The following ME3 variants were observed in gnomAD, a reference collection of about 807,000 sequenced individuals.
The protein encoded by ME3 is NADP-dependent malic enzyme, mitochondrial.
Under a neutral mutation model 68.9 loss-of-function variants are expected in ME3, and 48 were observed. The observed-to-expected ratio is 0.70, with a 90% confidence interval of 0.55 to 0.89. ME3 has a LOEUF of 0.89. Ranked by LOEUF, ME3 falls within the 40% of genes least tolerant of loss-of-function variation. ME3 has a pLI of 0.00. For missense variants in ME3, 675 were observed against 797.4 expected, an observed-to-expected ratio of 0.85 and a Z score of 1.85; for synonymous variants, 320 against 318.8, an observed-to-expected ratio of 1.00 and a Z score of -0.04.
chr11:86,647,468 C>T (rs1390728498), intron 2 of ME3, among the ~76,000 whole-genome samples: 1 of 147,312 alleles, frequency 6.8e-6, no homozygotes. Context: ...CTGGGAGACA[C>T]AGCGAGACTC....
At chr11:86,592,061 C>T (rs1305835534) in intron 2 of ME3, among the ~76,000 whole-genome samples, 2 of 152,190 alleles carry the variant, frequency 1.3e-5, no homozygotes, top group African/African-American at 2.4e-5. Flanking sequence ...AAGTCCAAGC[C>T]TGTCTGGTCT....
At chr11:86,628,915 A>G (rs1475731821) in intron 2 of ME3, among the ~76,000 whole-genome samples, 1 of 152,196 alleles carries the variant, frequency 6.6e-6, no homozygotes, top group African/African-American at 2.4e-5. Flanking sequence ...CAAGCAAGGG[A>G]TGGAAAAATC....
At chr11:86,635,518 T>A (rs1944278976) in intron 2 of ME3, among the ~76,000 whole-genome samples, 1 of 152,202 alleles carries the variant, frequency 6.6e-6, no homozygotes, top group Non-Finnish European at 1.5e-5. Flanking sequence ...TACTCTCCAT[T>A]GTAATGGTAT....
intron 2 of ME3, among the ~76,000 whole-genome samples, chr11:86,567,720 T>G (rs906588400): frequency 9.8e-5 from 15 of 152,338 alleles, no homozygotes; most frequent in African/African-American, 3.1e-4. Flanking sequence ...TTGAAGCTAC[T>G]TTTCATCCTG....
intron 6 of ME3, among the ~76,000 whole-genome samples, chr11:86,489,943 A>G (rs1019981203): frequency 6.6e-6 from 1 of 152,166 alleles, no homozygotes. Flanking sequence ...AGAGAGGTGA[A>G]GCAGCCTGCT....
chr11:86,606,843 C>G (rs1961734466), intron 2 of ME3, among the ~76,000 whole-genome samples: 1 of 152,178 alleles, frequency 6.6e-6, no homozygotes. Flanking sequence ...CTGTTTTAAT[C>G]ATTCCTACTT....
In ME3 at chr11:86,595,557, G is replaced by A. The variant is rs146605184; in HGVS notation, c.184-35734C>T. On this transcript the variant is annotated intron_variant, in intron 2 of 14. Transcript: ENST00000543262. ...AAACTGACAATCAGATCGAGTAAGC[G>A]CGTGCCCTGGTTTGAAAGGTCAGGT... is the stretch of plus-strand genomic sequence containing the variant. 1.7e-3 allele frequency among the ~76,000 whole-genome samples: 260 copies of A among 152,238 alleles called. 1 individual carries two copies. Among genetic ancestry groups the A allele is most frequent in the Middle Eastern group, 3.4e-3 (1 of 294 alleles).
At chr11:86,626,067 AG>A (rs1943643811) in intron 2 of ME3, among the ~76,000 whole-genome samples, 2 of 152,200 alleles carry the variant, frequency 1.3e-5, no homozygotes, top group African/African-American at 4.8e-5. Flanking sequence ...GATATGACAG[AG>A]GGGACTGACT....
intron 2 of ME3, among the ~76,000 whole-genome samples, chr11:86,602,505 AT>A (rs1292073128): frequency 6.6e-6 from 1 of 152,138 alleles, no homozygotes; most frequent in East Asian, 1.9e-4. Context: ...GGAAGAATCA[AT>A]ATCGTGAAAA....
chr11:86,619,307 A>G (rs955865771), intron 2 of ME3, among the ~76,000 whole-genome samples: 1 of 152,256 alleles, frequency 6.6e-6, no homozygotes, highest in Non-Finnish European at 1.5e-5. Context: ...GAAAAATACT[A>G]TTAATGTGAG....
chr11:86,609,669 C>T (rs1942418032), intron 2 of ME3, among the ~76,000 whole-genome samples: 1 of 152,150 alleles, frequency 6.6e-6, no homozygotes. Context: ...ATGCTGCACT[C>T]TTAAGCCAGA....
Position 86,545,038 on chromosome 11 carries a change from T to A in ME3, c.467+11515A>T, listed in dbSNP as rs1048153738. Among the ~76,000 whole-genome samples the A allele has an allele frequency of 2.2e-4, 33 of 152,314 alleles. 1 individual carries two copies. The highest frequency in any genetic ancestry group is 5.9e-5 in the Non-Finnish European group (4 of 68,036). The stretch of plus-strand genomic sequence containing the variant: ...TTCAACATATGCAAATCAATAAACG[T>A]AATCCATCACGTAAACAGAACCAAT... On this transcript the variant is annotated intron_variant, in intron 4 of 14. Coordinates refer to ENST00000543262, the Ensembl canonical transcript of ME3.
At chr11:86,439,370 A>AT (rs1292633472), downstream of ME3, among the ~76,000 whole-genome samples, 1 of 152,186 alleles carries the variant, frequency 6.6e-6, no homozygotes, top group Non-Finnish European at 1.5e-5. Flanking sequence ...TCTATGGGTT[A>AT]TTTTGAAATG....
chr11:86,521,425 A>AAAATAAT (rs754170121), intron 4 of ME3, among the ~76,000 whole-genome samples: 324 of 118,266 alleles, frequency 2.7e-3, no homozygotes, highest in South Asian at 0.018. Flanking sequence ...AAACAAAACA[A>AAAATAAT]AACAAAAATA....
At chr11:86,608,263 C>T (rs1942297778) in intron 2 of ME3, among the ~76,000 whole-genome samples, 1 of 152,030 alleles carries the variant, frequency 6.6e-6, no homozygotes, top group Admixed American at 6.6e-5. Flanking sequence ...AAGAAGCAGC[C>T]AAGAAATACT....
chr11:86,661,234 A>G (rs1471257965), intron 2 of ME3, among the ~76,000 whole-genome samples: 1 of 152,268 alleles, frequency 6.6e-6, no homozygotes, highest in African/African-American at 2.4e-5. Context: ...GCTACATGCC[A>G]AAGAAATGTA....
intron 3 of ME3, among the ~76,000 whole-genome samples, chr11:86,557,373 T>C (rs544057653): frequency 1.6e-4 from 24 of 152,212 alleles, no homozygotes; most frequent in African/African-American, 5.5e-4. Context: ...AACCTAGGGG[T>C]TGAAATTCAC....
intron 2 of ME3, among the ~76,000 whole-genome samples, chr11:86,578,523 C>CA (rs1400213860): frequency 3.3e-5 from 5 of 152,150 alleles, no homozygotes; most frequent in Admixed American, 3.3e-4. Context: ...CAACCAAGGA[C>CA]AAGCTCATCT....
At chr11:86,629,290 G>A (rs1395121703) in intron 2 of ME3, among the ~76,000 whole-genome samples, 1 of 152,190 alleles carries the variant, frequency 6.6e-6, no homozygotes, top group Non-Finnish European at 1.5e-5. Flanking sequence ...GGCTTTGTCT[G>A]TGAGGTTTCA....
Sources: gnomAD v4.1 joint callset for allele counts (sites outside exome capture counted in the v4.1 genomes callset) on GRCh38, gnomAD v4.1.1 for gene constraint, MANE v1.5 for transcripts, NCBI Gene and HGNC (gene_info 2026-07-23, HGNC 2026-07-21) for gene names.